KCNN2: variants seen among roughly 807,000 people sequenced by gnomAD.
KCNN2 encodes small conductance calcium-activated potassium channel protein 2.
A neutral mutation model predicts 55.5 loss-of-function variants in KCNN2; 24 were observed. The ratio of observed to expected loss-of-function variants is 0.43; its 90% confidence interval spans 0.31 to 0.61. The LOEUF (loss-of-function observed/expected upper bound fraction) is 0.61. Ranked by LOEUF, KCNN2 falls within the 20% of genes least tolerant of loss-of-function variation. The pLI, the probability that KCNN2 is intolerant of heterozygous loss-of-function variation, is 0.08. For missense variants in KCNN2, 754 were observed against 853.6 expected (o/e 0.88, Z 1.45); for synonymous variants, 431 against 336.1 (o/e 1.28, Z -3.09).
Position 114,404,637 on chromosome 5 carries a change from C to T in KCNN2, c.1418C>T (p.Pro473Leu). Residue 473 changes from proline to leucine, a missense_variant, in exon 3 of 8, where the codon CCA (proline) becomes CTA (leucine). This residue lies in a region of KCNN2 where 123 missense variants were observed against 204.9 expected (regional missense o/e 0.60). Coordinates refer to ENST00000673685, the MANE Select transcript of KCNN2 (RefSeq NM_021614.4). ...TADVDIILSI[P>L]MFLRLYLIAR... ...GATGTGGATATTATTTTATCTATAC[C>T]AATGTTCTTAAGACTCTATCTGATT... The T allele has an allele frequency of 6.2e-7, 1 of 1,613,828 alleles. No homozygotes were observed. The highest frequency in any genetic ancestry group is 8.5e-7 in the Non-Finnish European group (1 of 1,179,826).
chr5:114,193,307 C>G lies in KCNN2; in HGVS notation c.-270-28173C>G, dbSNP rs939992093. ...CTCCAGTCATGCTTTATGTTGTGCT[C>G]TAACATGAATTGTCTCTGGGCAAAT... is the stretch of plus-strand genomic sequence containing the variant. On this transcript the variant is annotated intron_variant, in intron 1 of 10. Coordinates refer to the KCNN2 transcript ENST00000512097. Among the ~76,000 whole-genome samples, 13 of 152,044 alleles carry G rather than the reference C, an allele frequency of 8.6e-5. 1 individual carries two copies. Among genetic ancestry groups the G allele is most frequent in the Non-Finnish European group, 1.5e-5 (1 of 67,990 alleles).
chr5:114,252,030 C>T (rs972709713), intron 2 of KCNN2, among the ~76,000 whole-genome samples: 3 of 151,496 alleles, frequency 2.0e-5, no homozygotes, highest in Non-Finnish European at 4.4e-5. Context: ...AGGCATGCCC[C>T]ACCAAGCCCG....
At chr5:114,285,725 T>C (rs1755731068) in intron 2 of KCNN2, among the ~76,000 whole-genome samples, 1 of 152,148 alleles carries the variant, frequency 6.6e-6, no homozygotes, top group Non-Finnish European at 1.5e-5. Flanking sequence ...TAACAGATGA[T>C]GATGCTTTAA....
At chr5:114,183,138 C>T (rs767720851) in intron 1 of KCNN2, among the ~76,000 whole-genome samples, 7 of 151,978 alleles carry the variant, frequency 4.6e-5, no homozygotes, top group Admixed American at 3.9e-4. Context: ...GATCATGAAG[C>T]TTTTATTCTT....
At chr5:114,161,196 C>T (rs1010832185) in intron 1 of KCNN2, among the ~76,000 whole-genome samples, 4 of 152,042 alleles carry the variant, frequency 2.6e-5, no homozygotes, top group Non-Finnish European at 5.9e-5. Flanking sequence ...TTAGGGCAGG[C>T]CTGGTGGTGA....
At chr5:114,107,674 G>T (rs1457961100) in intron 1 of KCNN2, among the ~76,000 whole-genome samples, 11 of 151,896 alleles carry the variant, frequency 7.2e-5, no homozygotes, top group Admixed American at 7.2e-4. Context: ...GGCATTATAG[G>T]CATGCACCAC....
At chr5:114,255,744 A>G (rs1490333560) in intron 2 of KCNN2, among the ~76,000 whole-genome samples, 1 of 152,212 alleles carries the variant, frequency 6.6e-6, no homozygotes. Flanking sequence ...TGATAGAGGC[A>G]TAAACTGGAG....
chr5:114,330,762 G>T (rs1240755553), intron 2 of KCNN2, among the ~76,000 whole-genome samples: 1 of 152,148 alleles, frequency 6.6e-6, no homozygotes, highest in East Asian at 1.9e-4. Flanking sequence ...TCTGGCTCCT[G>T]TGGGCACATA....
intron 2 of KCNN2, among the ~76,000 whole-genome samples, chr5:114,393,354 A>G (rs1758513466): frequency 6.6e-6 from 1 of 152,174 alleles, no homozygotes. Context: ...TAAGCAGAAT[A>G]TTTTAGATGT....
chr5:114,450,758 T>A (rs1300710813), intron 3 of KCNN2, among the ~76,000 whole-genome samples: 2 of 152,142 alleles, frequency 1.3e-5, no homozygotes, highest in African/African-American at 2.4e-5. Flanking sequence ...AGTGGAGAAT[T>A]TTTTTTCTTG....
intron 2 of KCNN2, among the ~76,000 whole-genome samples, chr5:114,321,902 G>A (rs754299225): frequency 2.6e-5 from 4 of 151,954 alleles, no homozygotes; most frequent in Admixed American, 6.6e-5. Context: ...TGCCTGCCTC[G>A]GCCTCCCAAA....
intron 1 of KCNN2, among the ~76,000 whole-genome samples, chr5:114,144,538 G>A (rs2974474): frequency 0.14 from 21,846 of 151,966 alleles, 2,268 homozygotes; most frequent in African/African-American, 0.29. Flanking sequence ...CATGGAGAGA[G>A]GGGAAAGATT....
chr5:114,473,207 A>G (rs1247523692), intron 5 of KCNN2, 43 bp downstream of exon 5: 7 of 1,244,102 alleles, frequency 5.6e-6, no homozygotes, highest in African/African-American at 1.5e-5. Flanking sequence ...TATTATTGTG[A>G]TTTTTTCAGT....
chr5:114,271,833 A>G (rs779939908), intron 2 of KCNN2, among the ~76,000 whole-genome samples: 3 of 152,102 alleles, frequency 2.0e-5, no homozygotes, highest in Non-Finnish European at 4.4e-5. Flanking sequence ...ATTCTGTGTG[A>G]AATTGGACAG....
chr5:114,383,944 C>T (rs145600849), intron 2 of KCNN2, among the ~76,000 whole-genome samples: 147 of 152,266 alleles, frequency 9.7e-4, no homozygotes, highest in African/African-American at 3.4e-3. Flanking sequence ...GTATCATGTG[C>T]CTACTGAGAA....
At chr5:114,459,246 A>T (rs1761081082) in intron 3 of KCNN2, among the ~76,000 whole-genome samples, 1 of 152,180 alleles carries the variant, frequency 6.6e-6, no homozygotes, top group South Asian at 2.1e-4. Flanking sequence ...AAAGCTTGAG[A>T]TTATTGGGCA....
intron 3 of KCNN2, among the ~76,000 whole-genome samples, chr5:114,460,950 T>A (rs1761161785): frequency 1.3e-5 from 2 of 152,200 alleles, no homozygotes; most frequent in African/African-American, 4.8e-5. Context: ...TACAGACCAT[T>A]CTTACGATAG....
intron 1 of KCNN2, among the ~76,000 whole-genome samples, chr5:114,363,503 C>T (rs151248876): frequency 1.0e-3 from 154 of 152,306 alleles, no homozygotes; most frequent in African/African-American, 3.5e-3. Flanking sequence ...CATTCGGGCA[C>T]CTTAAGTAAG....
In KCNN2 at chr5:114,362,726, A is replaced by ACCACCAGCC. The variant is rs1757469952; in HGVS notation, c.591_599dup (p.His197_Pro199dup). 1 of 1,517,990 alleles carries ACCACCAGCC rather than the reference A, an allele frequency of 6.6e-7. No homozygotes were observed. The highest frequency in any genetic ancestry group is 1.3e-5 in the South Asian group (1 of 77,088). The allele number at this position is 1,517,990 out of a possible 1,614,324, so 94.0% of individuals were successfully genotyped here. ...CACCCGCACCCGGCGCACCACCAGC[A>ACCACCAGCC]CCACCAGCCCCAGGCGCGCCGCGAG... On this transcript the variant is annotated inframe_insertion, in exon 1 of 8. Transcript: ENST00000673685.
Sources: allele counts gnomAD v4.1 joint callset (sites outside exome capture counted in the v4.1 genomes callset), GRCh38; gene constraint gnomAD v4.1.1; regional missense constraint gnomAD v4.1.1; transcripts MANE v1.5; gene names NCBI Gene and HGNC (gene_info 2026-07-23, HGNC 2026-07-21).